GRID2: variants seen among roughly 807,000 people sequenced by gnomAD.
The protein encoded by GRID2 is glutamate receptor ionotropic, delta-2.
GRID2 carries 33 observed loss-of-function variants against 114.8 expected under a neutral mutation model. That is an observed-to-expected ratio of 0.29 (90% confidence interval 0.22 to 0.38). GRID2 has a LOEUF of 0.38. GRID2 is among the 10% of genes least tolerant of loss of function. GRID2 has a pLI of 1.00. For synonymous variants in GRID2, 505 were observed against 449.9 expected (o/e 1.12, Z -1.55); for missense variants, 1,184 against 1,257.7 (o/e 0.94, Z 0.89).
At chr4:92,610,393 C>T (rs185922950) in intron 2 of GRID2, among the ~76,000 whole-genome samples, 10 of 151,710 alleles carry the variant, frequency 6.6e-5, no homozygotes, top group Non-Finnish European at 5.9e-5. Context: ...GATATTGTTC[C>T]ACTTTTAACC....
chr4:93,173,720 C>A (rs1016436099), intron 4 of GRID2, among the ~76,000 whole-genome samples: 5 of 152,102 alleles, frequency 3.3e-5, no homozygotes, highest in African/African-American at 4.8e-5. Context: ...ACCTCCACCC[C>A]CTGGTCTCAA....
chr4:93,122,981 G>C (rs911705560), intron 4 of GRID2, among the ~76,000 whole-genome samples: 3 of 133,168 alleles, frequency 2.3e-5, no homozygotes, highest in Non-Finnish European at 4.6e-5. Flanking sequence ...TCTTGCTTCT[G>C]TTAATGAGGC....
chr4:92,739,897 TAATC>T (rs1736787064), intron 2 of GRID2, among the ~76,000 whole-genome samples: 1 of 152,294 alleles, frequency 6.6e-6, no homozygotes, highest in South Asian at 2.1e-4. Flanking sequence ...AGTATAAGAA[TAATC>T]AATCCAATTA....
chr4:93,306,911 T>G (rs1755483866), intron 8 of GRID2, among the ~76,000 whole-genome samples: 1 of 152,134 alleles, frequency 6.6e-6, no homozygotes, highest in Non-Finnish European at 1.5e-5. Flanking sequence ...AATAACCTAC[T>G]GTGGGGCCAG....
At chr4:92,956,073 A>T (rs1375616098) in intron 2 of GRID2, among the ~76,000 whole-genome samples, 1 of 152,198 alleles carries the variant, frequency 6.6e-6, no homozygotes, top group African/African-American at 2.4e-5. Flanking sequence ...AAAAACAAAA[A>T]CAATTTTTGG....
intron 8 of GRID2, among the ~76,000 whole-genome samples, chr4:93,266,063 C>G (rs1750791997): frequency 1.3e-5 from 2 of 152,100 alleles, no homozygotes; most frequent in South Asian, 2.1e-4. Flanking sequence ...CACACACACT[C>G]CTACACACTC....
At chr4:92,979,338 A>G (rs1754048860) in intron 2 of GRID2, among the ~76,000 whole-genome samples, 1 of 151,994 alleles carries the variant, frequency 6.6e-6, no homozygotes, top group Non-Finnish European at 1.5e-5. Flanking sequence ...CTCCCTTTAT[A>G]ATTTATTATA....
intron 14 of GRID2, among the ~76,000 whole-genome samples, chr4:93,690,886 A>G (rs1228692973): frequency 3.4e-5 from 5 of 148,142 alleles, no homozygotes; most frequent in Non-Finnish European, 7.4e-5. Context: ...TTTATGTAAT[A>G]TTATAACACT....
chr4:92,465,557 G>C (rs1721714656), intron 1 of GRID2, among the ~76,000 whole-genome samples: 1 of 152,014 alleles, frequency 6.6e-6, no homozygotes. Flanking sequence ...GATGATGTTG[G>C]CACTTTCTTT....
intron 4 of GRID2, among the ~76,000 whole-genome samples, chr4:93,179,468 C>T (rs1415473712): frequency 2.0e-5 from 3 of 152,028 alleles, no homozygotes; most frequent in African/African-American, 4.8e-5. Flanking sequence ...GAAAATTATT[C>T]GCATGATGTG....
intron 14 of GRID2, among the ~76,000 whole-genome samples, chr4:93,756,854 T>C (rs1278587809): frequency 6.6e-6 from 1 of 152,208 alleles, no homozygotes; most frequent in African/African-American, 2.4e-5. Context: ...GTGTAATGAA[T>C]AGGATGAAAT....
chr4:93,371,910 G>GCT (rs1313931221), intron 8 of GRID2, among the ~76,000 whole-genome samples: 8 of 151,502 alleles, frequency 5.3e-5, no homozygotes, highest in Admixed American at 2.0e-4. Flanking sequence ...ACCACACCCG[G>GCT]CTAATTTTTG....
chr4:92,971,032 C>T (rs1225246488), intron 2 of GRID2, among the ~76,000 whole-genome samples: 1 of 151,518 alleles, frequency 6.6e-6, no homozygotes, highest in Non-Finnish European at 1.5e-5. Context: ...AAAATTTGTA[C>T]AGAAGAAGAC....
chr4:93,676,056 G>A (rs1352790190), intron 14 of GRID2, among the ~76,000 whole-genome samples: 1 of 152,190 alleles, frequency 6.6e-6, no homozygotes, highest in Non-Finnish European at 1.5e-5. Context: ...GGGAAGAGTT[G>A]TCATATTTCA....
intron 1 of GRID2, among the ~76,000 whole-genome samples, chr4:93,804,596 T>A (rs1262153117): frequency 6.6e-6 from 1 of 152,234 alleles, no homozygotes; most frequent in South Asian, 2.1e-4. Flanking sequence ...TTATGCATCA[T>A]GTGACTATAT....
At chr4:93,241,153 C>A (rs969933006) in intron 8 of GRID2, among the ~76,000 whole-genome samples, 2 of 151,592 alleles carry the variant, frequency 1.3e-5, no homozygotes, top group Admixed American at 6.6e-5. Flanking sequence ...TTCTAAATGT[C>A]ATTTTCTGTT....
intron 8 of GRID2, among the ~76,000 whole-genome samples, chr4:93,253,837 C>G (rs1305762385): frequency 2.0e-5 from 3 of 152,000 alleles, no homozygotes; most frequent in Admixed American, 2.0e-4. Context: ...GTATTACTAT[C>G]AATTATTATG....
chr4:93,297,652 T>C lies in GRID2; in HGVS notation c.1245+59162T>C, dbSNP rs571514462. Among the ~76,000 whole-genome samples the C allele has an allele frequency of 2.6e-5, 4 of 152,320 alleles. No homozygotes were observed. The East Asian group carries it at 7.7e-4, about 29-fold the overall frequency. ...ACTGGGCTATCTATTCCATATGATT[T>C]TGTTAATTAATAATGGTATTGCATA... is the stretch of plus-strand genomic sequence containing the variant. On this transcript the variant is annotated intron_variant, in intron 8 of 15. Transcript: ENST00000282020.
intron 2 of GRID2, among the ~76,000 whole-genome samples, chr4:92,820,394 GA>G (rs1056365697): frequency 6.6e-6 from 1 of 152,130 alleles, no homozygotes; most frequent in Admixed American, 6.6e-5. Context: ...GAAAGTCAGA[GA>G]AACAGTTAAG....
Sources: allele counts gnomAD v4.1 joint callset (sites outside exome capture counted in the v4.1 genomes callset), GRCh38; gene constraint gnomAD v4.1.1; transcripts MANE v1.5; gene names NCBI Gene and HGNC (gene_info 2026-07-23, HGNC 2026-07-21).